ANK2: variants seen among roughly 807,000 people sequenced by gnomAD.
The protein encoded by ANK2 is ankyrin 2, also known as ankyrin-2.
ANK2 carries 83 observed loss-of-function variants against 360.5 expected under a neutral mutation model. The observed-to-expected ratio is 0.23, with a 90% CI of 0.19 to 0.28. The LOEUF (loss-of-function observed/expected upper bound fraction) is 0.28, where lower values mean the gene tolerates loss of function less well. Ranked by LOEUF, ANK2 falls within the 10% of genes least tolerant of loss-of-function variation. The pLI is 1.00. For missense variants in ANK2, 4,201 were observed against 4,795.7 expected, an observed-to-expected ratio of 0.88 and a Z score of 3.66; for synonymous variants, 1,740 against 1,759.5, an observed-to-expected ratio of 0.99 and a Z score of 0.28.
At chr4:112,845,175 G>A (rs1193947733) in intron 1 of ANK2, among the ~76,000 whole-genome samples, 1 of 152,118 alleles carries the variant, frequency 6.6e-6, no homozygotes, top group Non-Finnish European at 1.5e-5. Flanking sequence ...CTTAAAATAT[G>A]AGTATAAAAG....
chr4:112,863,684 G>A (rs1034520664), intron 1 of ANK2, among the ~76,000 whole-genome samples: 3 of 151,908 alleles, frequency 2.0e-5, no homozygotes, highest in South Asian at 2.1e-4. Flanking sequence ...CACCACGCCC[G>A]GCTAATTTTT....
At chr4:112,750,530 C>T in the ANK2 span, among the ~76,000 whole-genome samples, 4 of 151,852 alleles carry the variant, frequency 2.6e-5, no homozygotes, top group African/African-American at 9.7e-5. Flanking sequence ...ATAGACTATA[C>T]TGTTATGGGA....
intron 24 of ANK2, 169 bp from the exon 25 acceptor site, chr4:113,317,538 G>T: frequency 1.5e-6 from 1 of 670,368 alleles, no homozygotes; most frequent in Non-Finnish European, 2.7e-6. Context: ...GGATGTGTTA[G>T]TTCAGCTGTT....
chr4:113,023,095 C>G (rs1375666750), intron 2 of ANK2, among the ~76,000 whole-genome samples: 1 of 151,926 alleles, frequency 6.6e-6, no homozygotes, highest in Non-Finnish European at 1.5e-5. Context: ...TGTAACAAAC[C>G]TACACGTCCT....
At chr4:112,830,736 C>A (rs1297541805) in intron 1 of ANK2, among the ~76,000 whole-genome samples, 1 of 152,224 alleles carries the variant, frequency 6.6e-6, no homozygotes, top group African/African-American at 2.4e-5. Context: ...CCCGCAGCTG[C>A]ACTGTGGGAG....
chr4:113,320,572 T>A (rs994005146), intron 26 of ANK2, among the ~76,000 whole-genome samples: 3 of 152,054 alleles, frequency 2.0e-5, no homozygotes, highest in African/African-American at 7.2e-5. Flanking sequence ...GAAGAATCAT[T>A]TGAACCCGGG....
intron 2 of ANK2, among the ~76,000 whole-genome samples, chr4:113,020,813 G>A (rs1247238503): frequency 6.2e-5 from 7 of 113,282 alleles, no homozygotes; most frequent in African/African-American, 1.3e-4. Flanking sequence ...GCGACAGAGT[G>A]AGACTCTGTC....
chr4:113,058,777 T>C (rs1460735881), intron 1 of ANK2, among the ~76,000 whole-genome samples: 1 of 152,146 alleles, frequency 6.6e-6, no homozygotes, highest in Non-Finnish European at 1.5e-5. Flanking sequence ...TTTCCATTAT[T>C]TTAGTAGTTT....
chr4:113,089,188 G>A (rs561804758), intron 1 of ANK2, among the ~76,000 whole-genome samples: 1 of 152,186 alleles, frequency 6.6e-6, no homozygotes, highest in South Asian at 2.1e-4. Flanking sequence ...TTAAATGGTG[G>A]GAAATAGATT....
Position 113,096,778 on chromosome 4 carries a change from C to T in ANK2, c.84+46966C>T, listed in dbSNP as rs142295565. Among the ~76,000 whole-genome samples, 758 of 152,040 alleles carry T rather than the reference C, an allele frequency of 5.0e-3. 22 individuals carry two copies. Among genetic ancestry groups the T allele is most frequent in the East Asian group, 9.3e-3 (48 of 5,138 alleles). ...GACCATCTATTGAAGAATAAGCCTT[C>T]AATGCTGTATGTAGAAACATAGAAA... On this transcript the variant is annotated intron_variant, in intron 1 of 45. Coordinates refer to ENST00000357077, the MANE Select transcript of ANK2 (RefSeq NM_001148.6).
chr4:112,867,352 T>C (rs2071005322), intron 1 of ANK2, among the ~76,000 whole-genome samples: 1 of 152,062 alleles, frequency 6.6e-6, no homozygotes, highest in Non-Finnish European at 1.5e-5. Context: ...TTATGTTTTT[T>C]CCTCCTATTC....
chr4:113,236,762 G>A (rs530226470), intron 5 of ANK2, among the ~76,000 whole-genome samples: 7 of 152,268 alleles, frequency 4.6e-5, no homozygotes, highest in African/African-American at 1.7e-4. Flanking sequence ...AAGGAATGCG[G>A]ATGTTTTTCA....
At chr4:113,093,556 T>C (rs2089601249) in intron 1 of ANK2, among the ~76,000 whole-genome samples, 1 of 152,148 alleles carries the variant, frequency 6.6e-6, no homozygotes, top group Admixed American at 6.6e-5. Context: ...GCCAGGCTGA[T>C]CTCGAACTCC....
intron 35 of ANK2, among the ~76,000 whole-genome samples, chr4:113,346,925 AT>A (rs2094925722): frequency 1.3e-5 from 2 of 152,118 alleles, no homozygotes; most frequent in South Asian, 2.1e-4. Context: ...ATTCTTTTAA[AT>A]TTTTTTAACC....
At chr4:112,892,009 C>T (rs938262316) in intron 1 of ANK2, among the ~76,000 whole-genome samples, 2 of 149,622 alleles carry the variant, frequency 1.3e-5, no homozygotes, top group African/African-American at 4.9e-5. Context: ...ATTTGTATTT[C>T]AAAAAAGACA....
chr4:112,771,404 C>T, the ANK2 span, among the ~76,000 whole-genome samples: 2 of 152,180 alleles, frequency 1.3e-5, no homozygotes, highest in South Asian at 4.1e-4. Flanking sequence ...AGGCGTGAGC[C>T]ACCACACCCG....
chr4:113,173,113 T>G (rs538508599), intron 1 of ANK2, among the ~76,000 whole-genome samples: 21 of 152,352 alleles, frequency 1.4e-4, no homozygotes, highest in African/African-American at 4.6e-4. Flanking sequence ...CTTTCAACTC[T>G]TAATAAATAA....
intron 1 of ANK2, among the ~76,000 whole-genome samples, chr4:113,097,473 A>G (rs1453707887): frequency 6.6e-6 from 1 of 152,126 alleles, no homozygotes; most frequent in Non-Finnish European, 1.5e-5. Flanking sequence ...CCCAATTTAT[A>G]CAGCTTGGGA....
intron 2 of ANK2, among the ~76,000 whole-genome samples, chr4:113,000,547 G>A (rs7657049): frequency 0.2 from 30,565 of 152,084 alleles, 3,130 homozygotes; most frequent in African/African-American, 0.27. Context: ...ATTTTACTAC[G>A]CTGGCAAATG....
Sources: gnomAD v4.1 joint callset for allele counts (sites outside exome capture counted in the v4.1 genomes callset) on GRCh38, gnomAD v4.1.1 for gene constraint, MANE v1.5 for transcripts, NCBI Gene and HGNC (gene_info 2026-07-23, HGNC 2026-07-21) for gene names.